Variants in LEPR observed in about 807,000 individuals in gnomAD.
LEPR encodes leptin receptor, also known as OB receptor.
In LEPR, 56 loss-of-function variants were observed where a neutral mutation model predicts 114.7. The ratio of observed to expected loss-of-function variants is 0.49; its 90% CI spans 0.39 to 0.61. The LOEUF is 0.61. Ranked by LOEUF, LEPR falls within the 20% of genes least tolerant of loss-of-function variation. LEPR has a pLI of 0.00. For synonymous variants in LEPR, 443 were observed against 461.4 expected, an observed-to-expected ratio of 0.96 and a Z score of 0.51; for missense variants, 1,202 against 1,352.9, an observed-to-expected ratio of 0.89 and a Z score of 1.75.
At chr1:65,470,201 A>G (rs1211495933) in intron 2 of LEPR, among the ~76,000 whole-genome samples, 3 of 152,152 alleles carry the variant, frequency 2.0e-5, no homozygotes, top group South Asian at 2.1e-4. Context: ...TATTGTGCCA[A>G]TGTTGACATT....
At chr1:65,423,176 G>A (rs1376993126) in intron 1 of LEPR, among the ~76,000 whole-genome samples, 1 of 152,144 alleles carries the variant, frequency 6.6e-6, no homozygotes, top group Non-Finnish European at 1.5e-5. Flanking sequence ...CAGACTGGAG[G>A]TGGAAGTACA....
chr1:65,582,014 A>G (rs555435857), intron 5 of LEPR, among the ~76,000 whole-genome samples: 3 of 152,118 alleles, frequency 2.0e-5, no homozygotes, highest in Non-Finnish European at 4.4e-5. Flanking sequence ...GTTCGAGGCA[A>G]TTTAGGTTTT....
chr1:65,438,970 T>C (rs1351066522), intron 2 of LEPR, among the ~76,000 whole-genome samples: 1 of 152,224 alleles, frequency 6.6e-6, no homozygotes, highest in Non-Finnish European at 1.5e-5. Flanking sequence ...TGATTCTGGT[T>C]TGGATTTCTT....
At chr1:65,481,737 C>T (rs1570533718) in intron 2 of LEPR, among the ~76,000 whole-genome samples, 1 of 150,984 alleles carries the variant, frequency 6.6e-6, no homozygotes, top group African/African-American at 2.4e-5. Context: ...TCAATTTATT[C>T]CAGGTATGTA....
At position 65,451,442 on chromosome 1, in the gene LEPR, A is replaced by G. The variant is rs949239004; in HGVS notation, c.-21+26064A>G. 2.5e-3 allele frequency among the ~76,000 whole-genome samples: 384 copies of G among 152,002 alleles called. 11 individuals carry two copies. The highest frequency in any genetic ancestry group is 0.014 in the East Asian group (73 of 5,162). ...TGTTTAAGTCTTTAATCCATCTTGAATTGATTTTTGTATAAGGTGTAAGGA... is the reference window on the plus strand; with the variant it reads ...TGTTTAAGTCTTTAATCCATCTTGAGTTGATTTTTGTATAAGGTGTAAGGA... On this transcript the variant is annotated intron_variant, in intron 2 of 19. Transcript: ENST00000349533.
chr1:65,616,340 CTCTT>C, intron 15 of LEPR, 116 bp downstream of exon 15: 2 of 1,069,484 alleles, frequency 1.9e-6, no homozygotes, highest in Non-Finnish European at 2.7e-6. Flanking sequence ...CTGAAAGTCT[CTCTT>C]TCACCTTTCA....
At chr1:65,511,468 ACACG>A (rs1348920391) in intron 2 of LEPR, among the ~76,000 whole-genome samples, 5 of 138,340 alleles carry the variant, frequency 3.6e-5, no homozygotes, top group South Asian at 4.8e-4. Flanking sequence ...ACACACACAC[ACACG>A]TGTATTTTTC....
chr1:65,554,553 A>G (rs1036345673), intron 2 of LEPR, among the ~76,000 whole-genome samples: 3 of 152,222 alleles, frequency 2.0e-5, no homozygotes, highest in African/African-American at 7.2e-5. Flanking sequence ...AATGACGGAC[A>G]TTCCTTCCCC....
At chr1:65,614,041 T>C (rs1657378027) in intron 14 of LEPR, among the ~76,000 whole-genome samples, 1 of 152,148 alleles carries the variant, frequency 6.6e-6, no homozygotes, top group South Asian at 2.1e-4. Context: ...AGTTTGGTAA[T>C]TTCTTACAAA....
chr1:65,545,107 T>G (rs1241724477), intron 2 of LEPR, among the ~76,000 whole-genome samples: 2 of 150,560 alleles, frequency 1.3e-5, no homozygotes, highest in African/African-American at 4.9e-5. Flanking sequence ...ATTTCCAGTT[T>G]CATCCATGTC....
intron 2 of LEPR, among the ~76,000 whole-genome samples, chr1:65,463,867 T>C (rs1272203955): frequency 1.3e-5 from 2 of 152,194 alleles, no homozygotes; most frequent in Non-Finnish European, 2.9e-5. Context: ...TTTTTGCACA[T>C]TGATTTTATA....
intron 17 of LEPR, 130 bp downstream of exon 17, chr1:65,620,153 C>A: frequency 1.4e-6 from 1 of 732,168 alleles, no homozygotes; most frequent in East Asian, 2.8e-5. Flanking sequence ...GTAGATTTTT[C>A]ATGGTGAGGT....
At chr1:65,444,204 G>A (rs1001033265) in intron 2 of LEPR, among the ~76,000 whole-genome samples, 1 of 29,824 alleles carries the variant, frequency 3.4e-5, no homozygotes, top group African/African-American at 1.0e-4. Flanking sequence ...GAGAATATGC[G>A]GTGTTAAGAC....
chr1:65,480,572 G>A (rs1647212842), intron 2 of LEPR, among the ~76,000 whole-genome samples: 3 of 152,250 alleles, frequency 2.0e-5, no homozygotes, highest in African/African-American at 4.8e-5. Flanking sequence ...GAATGATAAC[G>A]AAAGTATCTC....
intron 16 of LEPR, 112 bp downstream of exon 16, chr1:65,618,258 T>C: frequency 1.1e-6 from 1 of 879,752 alleles, no homozygotes; most frequent in Non-Finnish European, 1.7e-6. Context: ...TAGAGGATAC[T>C]ACCATCCTAA....
chr1:65,571,410 T>C (rs1248765089), intron 4 of LEPR, among the ~76,000 whole-genome samples: 3 of 151,830 alleles, frequency 2.0e-5, no homozygotes, highest in Non-Finnish European at 4.4e-5. Flanking sequence ...TGCATACTGA[T>C]TGTAGCTAGT....
chr1:65,617,757 G>C (rs1410178517), intron 15 of LEPR, among the ~76,000 whole-genome samples: 1 of 152,042 alleles, frequency 6.6e-6, no homozygotes, highest in Non-Finnish European at 1.5e-5. Context: ...GGAGTATCAT[G>C]TTTCTCTTCA....
intron 2 of LEPR, among the ~76,000 whole-genome samples, chr1:65,499,555 A>G (rs1470067831): frequency 6.6e-6 from 1 of 152,142 alleles, no homozygotes; most frequent in African/African-American, 2.4e-5. Flanking sequence ...CCCAGCCTTC[A>G]CGAGTATACA....
chr1:65,443,438 A>G (rs1296496893), intron 2 of LEPR, among the ~76,000 whole-genome samples: 1 of 150,590 alleles, frequency 6.6e-6, no homozygotes, highest in Non-Finnish European at 1.5e-5. Context: ...ATAAATGATT[A>G]TAATATATAT....
Sources: allele counts gnomAD v4.1 joint callset (sites outside exome capture counted in the v4.1 genomes callset), GRCh38; gene constraint gnomAD v4.1.1; transcripts MANE v1.5; gene names NCBI Gene and HGNC (gene_info 2026-07-23, HGNC 2026-07-21).